Variants in RPA1 observed in about 807,000 individuals in gnomAD.
RPA1 encodes the protein replication protein A 70 kDa DNA-binding subunit.
Under a neutral mutation model 83.0 loss-of-function variants are expected in RPA1, and 49 were observed. The ratio of observed to expected loss-of-function variants is 0.59; its 90% confidence interval spans 0.47 to 0.75. RPA1 has a LOEUF of 0.75. Among genes scored for constraint, RPA1 ranks in the 30% least tolerant of loss-of-function variants. The pLI, the probability that RPA1 is intolerant of heterozygous loss-of-function variation, is 0.00. For synonymous variants in RPA1, 279 were observed against 281.8 expected, an observed-to-expected ratio of 0.99 and a Z score of 0.10; for missense variants, 693 against 776.1, an observed-to-expected ratio of 0.89 and a Z score of 1.27.
At chr17:1,877,162 T>C (rs779086063) in intron 7 of RPA1, 50 bp from the exon 8 acceptor site, 25 of 1,523,514 alleles carry the variant, frequency 1.6e-5, no homozygotes, top group Non-Finnish European at 2.3e-5. Flanking sequence ...TCTTACTTGA[T>C]CTTTTCCAAG....
At position 1,872,541 on chromosome 17, in the gene RPA1, G is replaced by C; in HGVS notation, c.454+15G>C. The C allele has an allele frequency of 6.2e-7, 1 of 1,612,674 alleles. No homozygotes were observed. The highest frequency in any genetic ancestry group is 8.5e-7 in the Non-Finnish European group (1 of 1,179,752). ...CTCGGGAATGGGTGAGATGCCTCAC[G>C]GGGCGTGCGCTGACCAGGGGTGTCA... On this transcript the variant is annotated intron_variant, in intron 6 of 16. Transcript: ENST00000254719.
intron 1 of RPA1, among the ~76,000 whole-genome samples, chr17:1,831,891 G>T (rs562473416): frequency 7.4e-6 from 1 of 134,498 alleles, no homozygotes; most frequent in Non-Finnish European, 1.5e-5. Context: ...GAGCCACTGT[G>T]CCCGGCCTTT....
chr17:1,862,558 A>G (rs1238968000), intron 5 of RPA1, among the ~76,000 whole-genome samples: 1 of 151,130 alleles, frequency 6.6e-6, no homozygotes, highest in African/African-American at 2.4e-5. Context: ...AGCTGGGATT[A>G]CAGGCACACA....
In RPA1 at chr17:1,875,741, G is replaced by A; in HGVS notation, c.535G>A (p.Gly179Arg). 2 of 1,614,098 alleles carry A rather than the reference G, an allele frequency of 1.2e-6. No individual in the cohort carries two copies. The highest frequency in any genetic ancestry group is 1.1e-5 in the South Asian group (1 of 91,078). Residue 179 changes from glycine to arginine, a missense_variant, in exon 7 of 17, where the codon GGA (glycine) becomes AGA (arginine). Physicochemically the swap from Gly to Arg is moderately radical, Grantham distance 125. Transcript: ENST00000254719. ...AGPSLSHTSG[G>R]TQSKVVPIAS... ...TCCCAGCCTGTCACACACTTCTGGGGGAACACAGTCCAAAGTGGTGCCCAT... is the reference window on the plus strand; with the variant it reads ...TCCCAGCCTGTCACACACTTCTGGGAGAACACAGTCCAAAGTGGTGCCCAT...
At chr17:1,876,127 A>G (rs1192153073) in intron 7 of RPA1, among the ~76,000 whole-genome samples, 1 of 152,202 alleles carries the variant, frequency 6.6e-6, no homozygotes, top group Non-Finnish European at 1.5e-5. Context: ...ATAATTCAAA[A>G]GGCATTTAAT....
chr17:1,850,693 C>T (rs913819801), intron 4 of RPA1, among the ~76,000 whole-genome samples: 5 of 151,890 alleles, frequency 3.3e-5, no homozygotes, highest in African/African-American at 7.3e-5. Flanking sequence ...ATGGGGAGTT[C>T]GAGACCAGCC....
chr17:1,877,149 ATTTC>A, intron 7 of RPA1, 59 bp from the exon 8 acceptor site: 2 of 1,464,640 alleles, frequency 1.4e-6, no homozygotes, highest in Non-Finnish European at 1.9e-6. Flanking sequence ...TAGGAAGATG[ATTTC>A]TTACTTGATC....
At chr17:1,875,386 G>A (rs867398625) in intron 6 of RPA1, among the ~76,000 whole-genome samples, 48 of 152,260 alleles carry the variant, frequency 3.2e-4, no homozygotes, top group Admixed American at 5.9e-4. Flanking sequence ...GTCTGGATTC[G>A]TCACCATTAT....
At position 1,873,992 on chromosome 17, in the gene RPA1, CA is replaced by C. The variant is rs71150832; in HGVS notation, c.454+1487del. Among the ~76,000 whole-genome samples the C allele has an allele frequency of 5.5e-3, 248 of 45,408 alleles. 1 individual carries two copies. Among genetic ancestry groups the C allele is most frequent in the African/African-American group, 0.017 (107 of 6,278 alleles). 29.8% of individuals were successfully genotyped at this position (45,408 alleles called of 152,430 possible). ...TGGACAACAAAGTGAGACTCTGTCT[CA>C]AAAAAAAAAAAAAAAAAAAATATAT... On this transcript the variant is annotated intron_variant, in intron 6 of 16. Coordinates refer to ENST00000254719, the MANE Select transcript of RPA1 (RefSeq NM_002945.5).
rs935552005 is a variant in RPA1, at chr17:1,900,060, C to T, written c.*2885C>T. Reference sequence around the variant, plus strand: ...TTTAATTTTCACTTATTCAAAAAAACTGGTATTTTTGTTATTAAGACATTA... The same window carrying T: ...TTTAATTTTCACTTATTCAAAAAAATTGGTATTTTTGTTATTAAGACATTA... On this transcript the variant is annotated 3_prime_UTR_variant, in exon 17 of 17. Coordinates refer to ENST00000254719, the MANE Select transcript of RPA1 (RefSeq NM_002945.5). The T allele has an allele frequency of 6.6e-6, 1 of 152,244 alleles. No homozygotes were observed. Among genetic ancestry groups the T allele is most frequent in the Admixed American group, 6.5e-5 (1 of 15,302 alleles). 9.4% of individuals were successfully genotyped at this position (152,244 alleles called of 1,614,324 possible).
At chr17:1,883,396 C>T (rs1384618232) in intron 12 of RPA1, among the ~76,000 whole-genome samples, 1 of 151,982 alleles carries the variant, frequency 6.6e-6, no homozygotes, top group Non-Finnish European at 1.5e-5. Context: ...CTCTTGACCT[C>T]GTGATCCGCC....
rs1398856878 is a variant in RPA1, at chr17:1,898,986, G to GT, written c.*1812dup. ...TCCCAGCATTCCCTCCTCTCCCCAC[G>GT]TGTCTGTCCACACAGTGAAGAGGCC... is the stretch of plus-strand genomic sequence containing the variant. On this transcript the variant is annotated 3_prime_UTR_variant, in exon 17 of 17. Transcript: ENST00000254719. 6.5e-6 allele frequency: 1 copy of GT among 152,794 alleles called. No individual in the cohort carries two copies. The highest frequency in any genetic ancestry group is 1.5e-5 in the Non-Finnish European group (1 of 68,126). The allele number at this position is 152,794 out of a possible 1,614,324, so 9.5% of individuals were successfully genotyped here. A position where few individuals can be genotyped will look rare whatever the true frequency, so the allele number is the denominator to read the frequency against.
intron 6 of RPA1, among the ~76,000 whole-genome samples, chr17:1,875,328 G>A (rs183876157): frequency 3.9e-5 from 6 of 152,182 alleles, no homozygotes; most frequent in Middle Eastern, 3.4e-3. Flanking sequence ...TATCTTGCCC[G>A]TTGAGGCAAG....
intron 4 of RPA1, among the ~76,000 whole-genome samples, chr17:1,849,528 A>G (rs1356147623): frequency 6.6e-6 from 1 of 151,194 alleles, no homozygotes; most frequent in Non-Finnish European, 1.5e-5. Context: ...TCCTGACCTC[A>G]TGATCTGCCC....
intron 5 of RPA1, among the ~76,000 whole-genome samples, chr17:1,868,655 C>T (rs147234394): frequency 1.3e-5 from 2 of 152,162 alleles, no homozygotes; most frequent in African/African-American, 4.8e-5. Flanking sequence ...CCTGTAATCC[C>T]AGCTACTTGG....
In RPA1 at chr17:1,885,052, G is replaced by A. The variant is rs17339025; in HGVS notation, c.1374+1108G>A. Among the ~76,000 whole-genome samples the A allele has an allele frequency of 5.9e-5, 9 of 152,268 alleles. No individual in the cohort carries two copies. The East Asian group carries it at 1.4e-3, about 23-fold the overall frequency. ...CACAAAAGCTTTCTCCATAGCCGGC[G>A]ATGCTGTTTGACAGCATTTTACCCA... On this transcript the variant is annotated intron_variant, in intron 13 of 16. Coordinates refer to ENST00000254719, the MANE Select transcript of RPA1 (RefSeq NM_002945.5).
rs201881937 is a variant in RPA1 at position 1,877,229 on chromosome 17, G to T, written c.605G>T (p.Arg202Leu). The change falls in exon 8 of 17, where the codon CGT becomes CTT. Residue 202 changes from arginine (R) to leucine (L), a missense_variant. Transcript: ENST00000254719. ...GTTTGTAGGTGGACCATTTGTGCTC[G>T]TGTTACCAACAAAAGTCAGATCCGT... Reference protein sequence around the residue: ...PYQSKWTICARVTNKSQIRTW... With the variant: ...PYQSKWTICALVTNKSQIRTW... The T allele has an allele frequency of 6.2e-7, 1 of 1,614,176 alleles. No individual in the cohort carries two copies.
chr17:1,840,867 G>T (rs552729981), intron 1 of RPA1, among the ~76,000 whole-genome samples: 77 of 152,192 alleles, frequency 5.1e-4, no homozygotes, highest in Non-Finnish European at 8.5e-4. Context: ...AGGAGTTTGA[G>T]ACCAGCCTGG....
chr17:1,836,234 C>G (rs1911816975), intron 1 of RPA1, among the ~76,000 whole-genome samples: 1 of 150,682 alleles, frequency 6.6e-6, no homozygotes, highest in African/African-American at 2.4e-5. Flanking sequence ...GCCTCAGTCT[C>G]CTTAGTAATT....
Sources: gnomAD v4.1 joint callset for allele counts (sites outside exome capture counted in the v4.1 genomes callset) on GRCh38, gnomAD v4.1.1 for gene constraint, MANE v1.5 for transcripts, NCBI Gene and HGNC (gene_info 2026-07-23, HGNC 2026-07-21) for gene names.